ME3: variants seen among roughly 807,000 people sequenced by gnomAD.
ME3 encodes the protein NADP-dependent malic enzyme, mitochondrial.
In ME3, 48 loss-of-function variants were observed where a neutral mutation model predicts 68.9. The ratio of observed to expected loss-of-function variants is 0.70; its 90% CI spans 0.55 to 0.89. ME3 has a LOEUF of 0.89. ME3 is among the 40% of genes least tolerant of loss of function. The probability of loss-of-function intolerance (pLI) is 0.00; values close to 1 mark genes in which losing one functional copy is unlikely to be tolerated. For missense variants in ME3, 675 were observed against 797.4 expected (o/e 0.85, Z 1.85); for synonymous variants, 320 against 318.8 (o/e 1.00, Z -0.04).
exon 13 of ME3, chr11:86,446,376 G>T (rs755098234): frequency 1.2e-6 from 2 of 1,614,080 alleles, no homozygotes; most frequent in African/African-American, 2.7e-5. Context: ...ATGACTCCCA[G>T]TGCCACCCCG....
At chr11:86,539,331 C>T (rs1955891069) in intron 4 of ME3, among the ~76,000 whole-genome samples, 1 of 152,058 alleles carries the variant, frequency 6.6e-6, no homozygotes, top group African/African-American at 2.4e-5. Flanking sequence ...GATTAAGAAC[C>T]AACAATTCAA....
At chr11:86,527,972 A>T (rs1310896251) in intron 4 of ME3, among the ~76,000 whole-genome samples, 2 of 152,222 alleles carry the variant, frequency 1.3e-5, no homozygotes. Flanking sequence ...ACCAGCTAAC[A>T]TCATAATGAC....
chr11:86,531,990 AC>A (rs748773436), intron 4 of ME3, among the ~76,000 whole-genome samples: 5 of 147,996 alleles, frequency 3.4e-5, no homozygotes, highest in South Asian at 4.3e-4. Context: ...AAAAAACCAA[AC>A]CAAAAAAAAA....
At chr11:86,534,853 A>G (rs1318908661) in intron 4 of ME3, among the ~76,000 whole-genome samples, 1 of 152,138 alleles carries the variant, frequency 6.6e-6, no homozygotes, top group Non-Finnish European at 1.5e-5. Flanking sequence ...ATGTTTAAGA[A>G]AATATGGCCC....
intron 2 of ME3, among the ~76,000 whole-genome samples, chr11:86,656,281 T>C (rs1945863486): frequency 6.6e-6 from 1 of 152,012 alleles, no homozygotes; most frequent in Non-Finnish European, 1.5e-5. Flanking sequence ...ATCATGCTGC[T>C]ATAAAGACAC....
At chr11:86,531,916 T>A (rs1955266431) in intron 4 of ME3, among the ~76,000 whole-genome samples, 1 of 151,596 alleles carries the variant, frequency 6.6e-6, no homozygotes, top group African/African-American at 2.4e-5. Flanking sequence ...ACATGGCACA[T>A]GTATACATAT....
chr11:86,560,550 C>T (rs902761018), intron 2 of ME3, among the ~76,000 whole-genome samples: 5 of 151,490 alleles, frequency 3.3e-5, no homozygotes, highest in Non-Finnish European at 5.9e-5. Context: ...GCCAGTGTCC[C>T]GATTATTAAC....
Position 86,616,026 on chromosome 11 carries a change from T to C in ME3, c.183+55736A>G, listed in dbSNP as rs562666769. Among the ~76,000 whole-genome samples, 36 of 152,348 alleles carry C rather than the reference T, an allele frequency of 2.4e-4. No homozygotes were observed. The East Asian group carries it at 6.6e-3, about 28-fold the overall frequency. ...CAACCACTATTGACATTTTGGTATATGTTCTTGTCACTTTAAGACAGTACA... is the reference window on the plus strand; with the variant it reads ...CAACCACTATTGACATTTTGGTATACGTTCTTGTCACTTTAAGACAGTACA... On this transcript the variant is annotated intron_variant, in intron 2 of 14. Transcript: ENST00000543262.
intron 4 of ME3, among the ~76,000 whole-genome samples, chr11:86,514,172 C>G (rs1348136073): frequency 6.6e-6 from 1 of 152,138 alleles, no homozygotes; most frequent in Non-Finnish European, 1.5e-5. Context: ...AAGAAGGTGC[C>G]TGCTTCCCCT....
intron 2 of ME3, among the ~76,000 whole-genome samples, chr11:86,660,557 G>C (rs539855960): frequency 6.6e-5 from 10 of 152,198 alleles, no homozygotes; most frequent in African/African-American, 9.7e-5. Context: ...GATGGGATTG[G>C]AATCTTAGAT....
At chr11:86,649,866 T>C (rs1057183562) in intron 2 of ME3, among the ~76,000 whole-genome samples, 13 of 152,146 alleles carry the variant, frequency 8.5e-5, no homozygotes, top group Non-Finnish European at 1.9e-4. Flanking sequence ...ATCAATATTG[T>C]GAAAATGGTC....
intron 4 of ME3, among the ~76,000 whole-genome samples, chr11:86,541,841 C>G (rs909115131): frequency 2.0e-5 from 3 of 152,218 alleles, no homozygotes; most frequent in Non-Finnish European, 4.4e-5. Context: ...GACCCCCATG[C>G]CTCCTGACTA....
chr11:86,497,791 G>A (rs1277770768), intron 6 of ME3, among the ~76,000 whole-genome samples, 172 bp downstream of exon 6: 1 of 152,122 alleles, frequency 6.6e-6, no homozygotes, highest in East Asian at 1.9e-4. Context: ...GGGCAACCAG[G>A]GAAGAAGGTC....
At chr11:86,528,228 T>C (rs950753457) in intron 4 of ME3, among the ~76,000 whole-genome samples, 3 of 152,040 alleles carry the variant, frequency 2.0e-5, no homozygotes, top group Admixed American at 6.6e-5. Context: ...AAAACAGGCT[T>C]TAAACCAACA....
chr11:86,532,481 T>C (rs115147816), intron 4 of ME3, among the ~76,000 whole-genome samples: 1,863 of 152,298 alleles, frequency 0.012, 54 homozygotes, highest in African/African-American at 0.043. Context: ...AAACAGGTCT[T>C]AACAAATTTA....
At chr11:86,649,578 C>T (rs1945262990) in intron 2 of ME3, among the ~76,000 whole-genome samples, 1 of 152,142 alleles carries the variant, frequency 6.6e-6, no homozygotes, top group African/African-American at 2.4e-5. Flanking sequence ...TCGTCTCAAC[C>T]CAAAAACTCT....
At chr11:86,530,871 T>G (rs1955167701) in intron 4 of ME3, among the ~76,000 whole-genome samples, 1 of 149,622 alleles carries the variant, frequency 6.7e-6, no homozygotes, top group Admixed American at 6.7e-5. Flanking sequence ...AAGACTTAAA[T>G]GTTAGACCTA....
At chr11:86,513,259 T>C (rs1314427430) in intron 4 of ME3, among the ~76,000 whole-genome samples, 1 of 152,222 alleles carries the variant, frequency 6.6e-6, no homozygotes, top group Non-Finnish European at 1.5e-5. Context: ...TTTTTTCTTT[T>C]TCTATATGTA....
At chr11:86,547,143 C>T (rs2139387899) in intron 4 of ME3, among the ~76,000 whole-genome samples, 1 of 145,456 alleles carries the variant, frequency 6.9e-6, no homozygotes, top group South Asian at 2.1e-4. Flanking sequence ...GAGGCTGAGG[C>T]AGGAGAATGG....
Sources: allele counts gnomAD v4.1 joint callset (sites outside exome capture counted in the v4.1 genomes callset), GRCh38; gene constraint gnomAD v4.1.1; transcripts MANE v1.5; gene names NCBI Gene and HGNC (gene_info 2026-07-23, HGNC 2026-07-21).